OR10J1: variants seen among roughly 807,000 people sequenced by gnomAD.
OR10J1 encodes the protein olfactory receptor 10J1.
For missense variants in OR10J1, 474 were observed against 376.6 expected, an observed-to-expected ratio of 1.26 and a Z score of -2.14; for synonymous variants, 202 against 143.8, an observed-to-expected ratio of 1.40 and a Z score of -2.89.
At chr1:159,421,577 G>A in the OR10J1 span, among the ~76,000 whole-genome samples, 2 of 152,182 alleles carry the variant, frequency 1.3e-5, no homozygotes, top group Admixed American at 1.3e-4. Flanking sequence ...ATATATCTAT[G>A]GTATTGGTTG....
chr1:159,402,382 A>G, the OR10J1 span, among the ~76,000 whole-genome samples: 2 of 152,076 alleles, frequency 1.3e-5, no homozygotes, highest in Non-Finnish European at 2.9e-5. Context: ...CAAGACAACT[A>G]TTAGAACTAA....
chr1:159,432,144 G>C, the OR10J1 span: 2 of 400,022 alleles, frequency 5.0e-6, no homozygotes, highest in African/African-American at 4.1e-5. Context: ...CCAGCCTACT[G>C]TTTCCAGCCT....
At chr1:159,426,373 CA>C in the OR10J1 span, among the ~76,000 whole-genome samples, 1 of 151,488 alleles carries the variant, frequency 6.6e-6, no homozygotes, top group African/African-American at 2.4e-5. Flanking sequence ...CAGATGAAAA[CA>C]AAAAGAAAAT....
At chr1:159,439,146 T>C, upstream of OR10J1, among the ~76,000 whole-genome samples, 1 of 152,326 alleles carries the variant, frequency 6.6e-6, no homozygotes, top group East Asian at 1.9e-4. Flanking sequence ...TTTTCCTTTT[T>C]CTTCTTGAAG....
chr1:159,399,299 C>T, the OR10J1 span, among the ~76,000 whole-genome samples: 8 of 152,156 alleles, frequency 5.3e-5, no homozygotes, highest in South Asian at 2.1e-4. Context: ...TGGCCAGGCG[C>T]GATGGCTCAT....
the OR10J1 span, among the ~76,000 whole-genome samples, chr1:159,421,681 T>C: frequency 6.6e-6 from 1 of 152,204 alleles, no homozygotes; most frequent in African/African-American, 2.4e-5. Context: ...TTCTGTGATT[T>C]CCTCAGTGGC....
At chr1:159,426,877 T>C in the OR10J1 span, among the ~76,000 whole-genome samples, 1 of 151,968 alleles carries the variant, frequency 6.6e-6, no homozygotes, top group South Asian at 2.1e-4. Flanking sequence ...TGTATAGCAC[T>C]TACTATATGT....
the OR10J1 span, among the ~76,000 whole-genome samples, chr1:159,422,022 G>T: frequency 2.0e-5 from 3 of 152,124 alleles, no homozygotes; most frequent in South Asian, 6.2e-4. Context: ...GGCAGTTGCT[G>T]CAATGCGCTG....
chr1:159,406,595 AG>A, the OR10J1 span, among the ~76,000 whole-genome samples: 1 of 152,118 alleles, frequency 6.6e-6, no homozygotes, highest in Admixed American at 6.6e-5. Flanking sequence ...CAGAGATCAA[AG>A]GGAAGGAAAT....
At chr1:159,430,818 T>C in the OR10J1 span, among the ~76,000 whole-genome samples, 13 of 152,140 alleles carry the variant, frequency 8.5e-5, no homozygotes, top group Non-Finnish European at 8.8e-5. Context: ...CTTGGCAATT[T>C]ACATACAGTA....
chr1:159,421,240 C>A, the OR10J1 span, among the ~76,000 whole-genome samples: 1 of 151,396 alleles, frequency 6.6e-6, no homozygotes, highest in African/African-American at 2.4e-5. Context: ...TTTAGAATTT[C>A]TGTTAGGTTC....
At chr1:159,421,866 G>A in the OR10J1 span, among the ~76,000 whole-genome samples, 1 of 152,096 alleles carries the variant, frequency 6.6e-6, no homozygotes, top group Admixed American at 6.5e-5. Flanking sequence ...GCTGATTCTT[G>A]GGGCTCCAGG....
chr1:159,420,845 A>G, the OR10J1 span, among the ~76,000 whole-genome samples: 2 of 151,868 alleles, frequency 1.3e-5, no homozygotes, highest in African/African-American at 4.8e-5. Flanking sequence ...TTTTTCTTTG[A>G]CTTTTGACAT....
upstream of OR10J1, among the ~76,000 whole-genome samples, chr1:159,439,361 C>T (rs1249931044): frequency 6.6e-6 from 1 of 152,024 alleles, no homozygotes; most frequent in African/African-American, 2.4e-5. Context: ...TGAGGTGAGG[C>T]AGCAATAATG....
At chr1:159,434,065 T>C (rs1655666712), upstream of OR10J1, among the ~76,000 whole-genome samples, 1 of 152,200 alleles carries the variant, frequency 6.6e-6, no homozygotes. Context: ...TAGATAGTAG[T>C]CATTATTTTA....
At chr1:159,418,898 A>G in the OR10J1 span, among the ~76,000 whole-genome samples, 2 of 152,194 alleles carry the variant, frequency 1.3e-5, no homozygotes, top group Non-Finnish European at 2.9e-5. Flanking sequence ...TGGATGTGAG[A>G]CATTGAGTCA....
At chr1:159,437,815 G>GT (rs1189398468), upstream of OR10J1, 5 of 152,300 alleles carry the variant, frequency 3.3e-5, no homozygotes, top group Admixed American at 2.6e-4. Context: ...ACACAGAGGG[G>GT]TTATCAAGAA....
chr1:159,406,122 A>T, the OR10J1 span: 1 of 462,892 alleles, frequency 2.2e-6, no homozygotes. Context: ...GCGAGAAAGC[A>T]TATGGGGAGT....
chr1:159,410,297 G>C, the OR10J1 span, among the ~76,000 whole-genome samples: 1 of 152,084 alleles, frequency 6.6e-6, no homozygotes, highest in East Asian at 1.9e-4. Context: ...TTGTACCTCT[G>C]GTAGAATTTG....
Sources: allele counts gnomAD v4.1 joint callset (sites outside exome capture counted in the v4.1 genomes callset), GRCh38; gene constraint gnomAD v4.1.1; transcripts MANE v1.5; gene names NCBI Gene and HGNC (gene_info 2026-07-23, HGNC 2026-07-21).